Variants in PMS2 observed in about 807,000 individuals in gnomAD.
PMS2 encodes PMS1 homolog 2, mismatch repair system component.
In PMS2, 69 loss-of-function variants were observed where a neutral mutation model predicts 90.0. That is an observed-to-expected ratio of 0.77 (90% CI 0.63 to 0.94). The LOEUF is 0.94. Among genes scored for constraint, PMS2 ranks in the 40% least tolerant of loss-of-function variants. The pLI is 0.00. For missense variants in PMS2, 966 were observed against 1,040.2 expected, an observed-to-expected ratio of 0.93 and a Z score of 0.98; for synonymous variants, 332 against 375.1, an observed-to-expected ratio of 0.89 and a Z score of 1.33.
At chr7:5,990,324 A>G (rs1007966721) in intron 9 of PMS2, among the ~76,000 whole-genome samples, 18 of 152,198 alleles carry the variant, frequency 1.2e-4, no homozygotes, top group Non-Finnish European at 2.6e-4. Flanking sequence ...ACTTTTAACA[A>G]TAGAAATTTC....
At chr7:5,986,725 TAAAAAGAG>T in intron 11 of PMS2, 26 bp downstream of exon 11, 3 of 1,474,404 alleles carry the variant, frequency 2.0e-6, no homozygotes, top group Non-Finnish European at 2.7e-6. Flanking sequence ...AAATTTTAGA[TAAAAAGAG>T]AAAAAGTAAA....
At chr7:5,988,186 T>C (rs1783282770) in intron 10 of PMS2, among the ~76,000 whole-genome samples, 1 of 151,858 alleles carries the variant, frequency 6.6e-6, no homozygotes. Flanking sequence ...ATACCTCTGG[T>C]AGGAATGAAC....
chr7:5,984,747 T>C (rs1314177745), intron 11 of PMS2, among the ~76,000 whole-genome samples: 5 of 151,612 alleles, frequency 3.3e-5, no homozygotes, highest in African/African-American at 9.8e-5. Flanking sequence ...ATCGTGCCAG[T>C]GCACTCCAGC....
intron 9 of PMS2, 135 bp downstream of exon 9, chr7:5,991,838 C>CAA: frequency 8.1e-6 from 5 of 620,236 alleles, no homozygotes; most frequent in South Asian, 1.7e-5. Context: ...GACCCCGTCT[C>CAA]AAAAAAAAAC....
chr7:5,977,846 G>C, intron 13 of PMS2, 89 bp from the exon 14 acceptor site: 4 of 1,557,212 alleles, frequency 2.6e-6, no homozygotes, highest in Non-Finnish European at 8.8e-7. Flanking sequence ...GAGGCCGGGC[G>C]TGGTGGCTCA....
Position 5,987,481 on chromosome 7 carries a change from G to A in PMS2, c.1284C>T (p.His428=), listed in dbSNP as rs1583322072. The A allele has an allele frequency of 1.2e-6, 2 of 1,614,138 alleles. No homozygotes were observed. Among genetic ancestry groups the A allele is most frequent in the Middle Eastern group, 3.3e-4 (2 of 6,062 alleles). The change falls in exon 11 of 15, where the codon CAC becomes CAT. Residue 428 remains histidine (H), a synonymous_variant. Coordinates refer to ENST00000265849, the MANE Select transcript of PMS2 (RefSeq NM_000535.7). ...SRLREAFSLR[H]TTENKPHSPK... The stretch of plus-strand genomic sequence containing the variant: ...GGCTGTGAGGCTTGTTCTCTGTTGT[G>A]TGACGAAGAGAAAAGGCCTCTCGCA...
rs368279216 is a variant in PMS2 at position 5,992,602 on chromosome 7, A to G, written c.904-545T>C. Among the ~76,000 whole-genome samples the G allele has an allele frequency of 2.0e-5, 3 of 152,256 alleles. 1 individual carries two copies. The highest frequency in any genetic ancestry group is 1.9e-4 in the East Asian group (1 of 5,184). On this transcript the variant is annotated intron_variant, in intron 8 of 14. Transcript: ENST00000265849. ...CCCAAAGTGCTGGGATTATAGGCGT[A>G]AGCCACTACACCTGGCCTAAGGATA... is the stretch of plus-strand genomic sequence containing the variant.
At chr7:5,985,470 T>A in intron 11 of PMS2, among the ~76,000 whole-genome samples, 1 of 151,638 alleles carries the variant, frequency 6.6e-6, no homozygotes, top group Non-Finnish European at 1.5e-5. Flanking sequence ...ACTACTATGC[T>A]AAGAAATACA....
chr7:5,994,656 G>A (rs909725151), intron 8 of PMS2, among the ~76,000 whole-genome samples: 1 of 149,690 alleles, frequency 6.7e-6, no homozygotes. Flanking sequence ...GGCACCTGTA[G>A]TCCCAGCTAC....
Position 6,003,694 on chromosome 7 carries a change from G to C in PMS2, c.349C>G (p.Leu117Val), listed in dbSNP as rs1554304592. The C allele has an allele frequency of 6.4e-7, 1 of 1,558,790 alleles. No homozygotes were observed. Among genetic ancestry groups the C allele is most frequent in the Non-Finnish European group, 8.7e-7 (1 of 1,144,266 alleles). ...TGGATAAAAATATTGTATCACCTCA[G>C]TGCACAAAGTGAGCTCAGAGCTTCC... is the stretch of plus-strand genomic sequence containing the variant. Reference protein sequence around the residue: ...RGEALSSLCALSDVTISTCHA... With the variant: ...RGEALSSLCAVSDVTISTCHA... The change falls in exon 4 of 15, where the codon CTG (leucine) becomes GTG (valine). Residue 117 changes from leucine to valine, a missense_variant. Around this residue, in one of 2 missense-constraint regions of PMS2, gnomAD observed 871 missense variants for 802.4 expected, o/e 1.09. Transcript: ENST00000265849.
intron 12 of PMS2, among the ~76,000 whole-genome samples, chr7:5,981,399 C>G (rs58588555): frequency 0.098 from 13,848 of 140,834 alleles, 1,028 homozygotes; most frequent in East Asian, 0.26. Context: ...CACACACCAT[C>G]AAGTCTGACT....
rs763959308 is a variant in PMS2 at position 5,991,969 on chromosome 7, T to C, written c.988+4A>G. ...AGTTGTACTGAAATGCCAATGGAACTTACCTGAATCAACAGAAATGTTAAG... is the reference window on the plus strand; with the variant it reads ...AGTTGTACTGAAATGCCAATGGAACCTACCTGAATCAACAGAAATGTTAAG... On this transcript the variant is annotated splice_donor_region_variant and intron_variant, in intron 9 of 14. Transcript: ENST00000265849. 17 of 1,460,984 alleles carry C rather than the reference T, an allele frequency of 1.2e-5. No homozygotes were observed. Among genetic ancestry groups the C allele is most frequent in the Admixed American group, 1.7e-5 (1 of 59,820 alleles). The allele number at this position is 1,460,984 out of a possible 1,614,324, so 90.5% of individuals were successfully genotyped here.
At chr7:5,998,547 A>T (rs1784694965) in intron 6 of PMS2, among the ~76,000 whole-genome samples, 1 of 150,786 alleles carries the variant, frequency 6.6e-6, no homozygotes, top group South Asian at 2.1e-4. Flanking sequence ...ACAAAAAATT[A>T]GCTGGGCCTG....
chr7:5,977,181 A>G (rs1300750669), intron 14 of PMS2, among the ~76,000 whole-genome samples: 1 of 150,992 alleles, frequency 6.6e-6, no homozygotes, highest in African/African-American at 2.4e-5. Flanking sequence ...CAGCCTCCCG[A>G]GTAGCTGGGA....
intron 12 of PMS2, among the ~76,000 whole-genome samples, chr7:5,979,201 C>CAAA (rs60152367): frequency 0.056 from 2,635 of 46,644 alleles, 82 homozygotes; most frequent in East Asian, 0.37. Context: ...GACTCTGTCT[C>CAAA]AAAAAAAAAA....
At position 5,983,719 on chromosome 7, in the gene PMS2, G is replaced by A. The variant is rs565631635; in HGVS notation, c.2007-728C>T. ...CAGGCTGGACTGCAGTGGCGTGACC[G>A]TGGCTCACTGCAACCTGCGCCTCCC... is the stretch of plus-strand genomic sequence containing the variant. On this transcript the variant is annotated intron_variant, in intron 11 of 14. Transcript: ENST00000265849. Among the ~76,000 whole-genome samples, 839 of 150,684 alleles carry A rather than the reference G, an allele frequency of 5.6e-3. 16 individuals are homozygous for A. The highest frequency in any genetic ancestry group is 8.8e-3 in the African/African-American group (358 of 40,686).
intron 5 of PMS2, among the ~76,000 whole-genome samples, 158 bp from the exon 6 acceptor site, chr7:5,999,433 T>G (rs1171090692): frequency 6.6e-6 from 1 of 152,150 alleles, no homozygotes; most frequent in Admixed American, 6.6e-5. Flanking sequence ...TCTTCCTATA[T>G]TCTACAGAAA....
chr7:5,979,241 A>T (rs1324880880), intron 12 of PMS2, among the ~76,000 whole-genome samples: 1 of 145,102 alleles, frequency 6.9e-6, no homozygotes, highest in African/African-American at 2.6e-5. Context: ...AAAAACAAAA[A>T]TTAGCTGGAA....
chr7:6,000,617 A>T (rs1432394874), intron 5 of PMS2, among the ~76,000 whole-genome samples: 1 of 152,090 alleles, frequency 6.6e-6, no homozygotes, highest in Non-Finnish European at 1.5e-5. Context: ...TAAGGCACTA[A>T]TTTTTTTACC....
Sources: gnomAD v4.1 joint callset for allele counts (sites outside exome capture counted in the v4.1 genomes callset) on GRCh38, gnomAD v4.1.1 for gene constraint, gnomAD v4.1.1 regional missense constraint, MANE v1.5 for transcripts, NCBI Gene and HGNC (gene_info 2026-07-23, HGNC 2026-07-21) for gene names.